RHBDF2: variants seen among roughly 807,000 people sequenced by gnomAD.
RHBDF2 encodes the protein inactive rhomboid protein 2.
In RHBDF2, 38 loss-of-function variants were observed where a neutral mutation model predicts 95.2. The ratio of observed to expected loss-of-function variants is 0.40; its 90% CI spans 0.31 to 0.52. RHBDF2 has a LOEUF of 0.52. RHBDF2 is among the 20% of genes least tolerant of loss of function. The pLI, the probability that RHBDF2 is intolerant of heterozygous loss-of-function variation, is 0.56. For missense variants in RHBDF2, 863 were observed against 1,137.7 expected, an observed-to-expected ratio of 0.76 and a Z score of 3.47; for synonymous variants, 442 against 462.0, an observed-to-expected ratio of 0.96 and a Z score of 0.55.
At position 76,475,085 on chromosome 17, in the gene RHBDF2, A is replaced by G. The variant is rs2073726364; in HGVS notation, c.1172T>C (p.Ile391Thr). 1 of 1,600,978 alleles carries G rather than the reference A, an allele frequency of 6.2e-7. No individual in the cohort carries two copies. The highest frequency in any genetic ancestry group is 1.3e-5 in the African/African-American group (1 of 74,854). The stretch of plus-strand genomic sequence containing the variant: ...CACGGGTGCGATGCCATACGTGCAA[A>G]TCACCAGCAGCGTGATGATGACATG... The part of the protein sequence containing the change: ...FVHVIITLLV[I>T]CTYGIAPVGF... Residue 391 changes from isoleucine to threonine, a missense_variant, in exon 10 of 19, where the codon ATT (isoleucine) becomes ACT (threonine). Ile to Thr is a moderately conservative substitution (Grantham distance 89). Around this residue, in one of 2 missense-constraint regions of RHBDF2, gnomAD observed 611 missense variants for 725.5 expected, o/e 0.84. Transcript: ENST00000675367.
rs753789924 is a variant in RHBDF2 at position 76,471,900 on chromosome 17, G to A, written c.2217C>T (p.Ile739=). 7.6e-6 allele frequency: 12 copies of A among 1,579,292 alleles called. No homozygotes were observed. Among genetic ancestry groups the A allele is most frequent in the Non-Finnish European group, 1.0e-5 (12 of 1,162,406 alleles). The change falls in exon 19 of 19, where the codon ATC becomes ATT. Residue 739 remains isoleucine, a synonymous_variant. Transcript: ENST00000675367. ...FLFICGLLPW[I]DNIAHIFGFL... is the part of the protein sequence containing the mutation. ...AGCCGAAGATGTGGGCGATGTTGTC[G>A]ATCCAGGGCAGGAGGCCACAGATGA...
intron 11 of RHBDF2, 58 bp downstream of exon 11, chr17:76,474,672 G>A (rs1234493342): frequency 2.5e-6 from 4 of 1,613,898 alleles, no homozygotes; most frequent in Non-Finnish European, 3.4e-6. Context: ...GCCCAGCTGG[G>A]AGTGACAGGG....
chr17:76,482,734 C>T (rs1486001830), intron 2 of RHBDF2, among the ~76,000 whole-genome samples: 1 of 151,952 alleles, frequency 6.6e-6, no homozygotes, highest in Non-Finnish European at 1.5e-5. Flanking sequence ...GATCATGCCA[C>T]TGCACTCCAG....
chr17:76,497,190 C>T (rs1392018535), intron 1 of RHBDF2, among the ~76,000 whole-genome samples: 1 of 152,048 alleles, frequency 6.6e-6, no homozygotes, highest in Non-Finnish European at 1.5e-5. Flanking sequence ...GGTTGGCGGC[C>T]ACACGGGGGA....
intron 1 of RHBDF2, among the ~76,000 whole-genome samples, chr17:76,489,325 G>GTTT (rs71161301): frequency 0.037 from 4,924 of 131,656 alleles, 234 homozygotes; most frequent in Non-Finnish European, 0.058. Context: ...GGGCATTCCT[G>GTTT]TTTTTTTTTT....
At chr17:76,477,872 A>G in intron 6 of RHBDF2, 87 bp from the exon 7 acceptor site, 1 of 1,548,026 alleles carries the variant, frequency 6.5e-7, no homozygotes, top group Non-Finnish European at 8.7e-7. Flanking sequence ...CATCAAGCCC[A>G]TCCGCCTGCA....
rs1335017763 is a variant in RHBDF2, at chr17:76,478,850, A to G, written c.628T>C (p.Ser210Pro). Residue 210 changes from serine (S) to proline (P), a missense_variant, in exon 6 of 19, where the codon TCT (serine) becomes CCT (proline). By Grantham distance (74) the Ser-to-Pro change is moderately conservative. Around this residue, in one of 2 missense-constraint regions of RHBDF2, gnomAD observed 611 missense variants for 725.5 expected, o/e 0.84. Coordinates refer to ENST00000675367, the MANE Select transcript of RHBDF2 (RefSeq NM_001005498.4). Reference sequence around the variant, plus strand: ...GCTTGCAAGCTCATGTGGGCCACAGACATTCTCTTGCGGCGTGGCAGGTGG... The same window carrying G: ...GCTTGCAAGCTCATGTGGGCCACAGGCATTCTCTTGCGGCGTGGCAGGTGG... ...YSHLPRRKRM[S>P]VAHMSLQAAA... is the part of the protein sequence containing the mutation. 2.5e-6 allele frequency: 4 copies of G among 1,613,674 alleles called. No homozygotes were observed. Among genetic ancestry groups the G allele is most frequent in the Non-Finnish European group, 3.4e-6 (4 of 1,179,874 alleles).
chr17:76,475,591 T>C (rs1177940976), intron 9 of RHBDF2, among the ~76,000 whole-genome samples: 3 of 151,900 alleles, frequency 2.0e-5, no homozygotes, highest in East Asian at 3.9e-4. Context: ...TCTTTTCTTT[T>C]TTTTTTTTTG....
chr17:76,485,267 C>T (rs2074091278), intron 2 of RHBDF2, among the ~76,000 whole-genome samples: 1 of 152,072 alleles, frequency 6.6e-6, no homozygotes, highest in Admixed American at 6.6e-5. Context: ...AAACATTAGC[C>T]AGGCATGGTG....
intron 1 of RHBDF2, among the ~76,000 whole-genome samples, chr17:76,490,935 G>A (rs552402043): frequency 5.5e-4 from 84 of 152,188 alleles, no homozygotes; most frequent in Middle Eastern, 6.8e-3. Context: ...ACCCAACCCC[G>A]GGCAGCCCAG....
chr17:76,488,228 A>C (rs1219415249), intron 1 of RHBDF2: 3 of 152,206 alleles, frequency 2.0e-5, no homozygotes, highest in African/African-American at 7.2e-5. Context: ...GGCCAGGGGC[A>C]GTAGCTCACA....
In RHBDF2 at chr17:76,471,737, G is replaced by A. The variant is rs1195053198; in HGVS notation, c.2380C>T (p.Leu794=). 1 of 1,611,162 alleles carries A rather than the reference G, an allele frequency of 6.2e-7. No individual in the cohort carries two copies. Among genetic ancestry groups the A allele is most frequent in the Non-Finnish European group, 8.5e-7 (1 of 1,178,766 alleles). ...AGLFAALVLW[L]YIYPINWPWI... ...GGCCAGTTAATGGGGTAGATGTACA[G>A]CCACAGCACGAGGGCGGCGAAGAGG... The change falls in exon 19 of 19, where the codon CTG becomes TTG. Residue 794 remains leucine (L), a synonymous_variant. Transcript: ENST00000675367.
intron 6 of RHBDF2, 94 bp downstream of exon 6, chr17:76,478,712 G>A (rs1316776465): frequency 1.8e-5 from 19 of 1,083,910 alleles, no homozygotes; most frequent in Non-Finnish European, 2.5e-5. Context: ...ATGCCCAGGT[G>A]AGCTTTAGGG....
intron 1 of RHBDF2, among the ~76,000 whole-genome samples, chr17:76,489,410 G>A (rs1424997393): frequency 2.1e-5 from 3 of 144,936 alleles, no homozygotes; most frequent in Non-Finnish European, 4.5e-5. Context: ...TTCAAGCACC[G>A]CCTCCCGGGT....
In RHBDF2 at chr17:76,485,206, G is replaced by A. The variant is rs536529820; in HGVS notation, c.-22+2506C>T. On this transcript the variant is annotated intron_variant, in intron 2 of 18. Transcript: ENST00000675367. ...GCGGATCACCTGAGGTCGGGAGTTC[G>A]AGACCAGCCTGACCAACATGGAGAA... Among the ~76,000 whole-genome samples, 23 of 152,072 alleles carry A rather than the reference G, an allele frequency of 1.5e-4. No individual in the cohort carries two copies. The South Asian group carries it at 3.7e-3, about 25-fold the overall frequency.
rs765609123 is a variant in RHBDF2 at position 76,471,642 on chromosome 17, C to T, written c.2475G>A (p.Val825=). 2 of 1,599,754 alleles carry T rather than the reference C, an allele frequency of 1.3e-6. No individual in the cohort carries two copies. Among genetic ancestry groups the T allele is most frequent in the East Asian group, 2.2e-5 (1 of 44,652 alleles). Residue 825 remains valine (V), a synonymous_variant, in exon 19 of 19, where the codon GTG becomes GTA. Transcript: ENST00000675367. Reference sequence around the variant, plus strand: ...CCGTGTGGCCCAGCGGTCAGTGCAGCACCTGGTCCAGCTCATACTTCTCGC... The same window carrying T: ...CCGTGTGGCCCAGCGGTCAGTGCAGTACCTGGTCCAGCTCATACTTCTCGC... The part of the protein sequence containing the change: ...RFCEKYELDQ[V]LH
chr17:76,472,051 A>G lies in RHBDF2; in HGVS notation c.2066T>C (p.Val689Ala). The change falls in exon 19 of 19, where the codon GTG (valine) becomes GCG (alanine). Residue 689 changes from valine to alanine, a missense_variant and splice_region_variant. Physicochemically the swap from Val to Ala is moderately conservative, Grantham distance 64. Coordinates refer to ENST00000675367, the MANE Select transcript of RHBDF2 (RefSeq NM_001005498.4). Reference protein sequence around the residue: ...SAIFLPYRAEVGPAGSQFGLL... With the variant: ...SAIFLPYRAEAGPAGSQFGLL... ...GCCGAACTGTGAGCCGGCCGGGCCC[A>G]CCTGGGGCGGGGCAGGGGAGACGTG... The G allele has an allele frequency of 1.9e-6, 3 of 1,557,142 alleles. No individual in the cohort carries two copies. The highest frequency in any genetic ancestry group is 2.6e-6 in the Non-Finnish European group (3 of 1,151,132).
rs755213794 is a variant in RHBDF2, at chr17:76,477,761, C to T, written c.697G>A (p.Gly233Arg). The T allele has an allele frequency of 2.0e-5, 32 of 1,612,774 alleles. No individual in the cohort carries two copies. Among genetic ancestry groups the T allele is most frequent in the South Asian group, 4.4e-5 (4 of 91,080 alleles). Residue 233 changes from glycine to arginine, a missense_variant, in exon 7 of 19, where the codon GGA (glycine) becomes AGA (arginine). Gly to Arg is a moderately radical substitution (Grantham distance 125). Coordinates refer to ENST00000675367, the MANE Select transcript of RHBDF2 (RefSeq NM_001005498.4). ...CGCTTGACCACCCGGCACCGCTGTC[C>T]GGTGGCATCCAGCACCGAGCGCCCC... The part of the protein sequence containing the change: ...LKGRSVLDAT[G>R]QRCRVVKRSF...
intron 1 of RHBDF2, among the ~76,000 whole-genome samples, chr17:76,498,676 C>T (rs1236251898): frequency 1.3e-5 from 2 of 152,192 alleles, no homozygotes; most frequent in African/African-American, 4.8e-5. Flanking sequence ...AACAGCACCA[C>T]TGACCCCAGA....
Sources: allele counts gnomAD v4.1 joint callset (sites outside exome capture counted in the v4.1 genomes callset), GRCh38; gene constraint gnomAD v4.1.1; regional missense constraint gnomAD v4.1.1; transcripts MANE v1.5; gene names NCBI Gene and HGNC (gene_info 2026-07-23, HGNC 2026-07-21).